DNAH9: variants seen among roughly 807,000 people sequenced by gnomAD.
DNAH9 encodes the protein dynein axonemal heavy chain 9.
In DNAH9, 345 loss-of-function variants were observed where a neutral mutation model predicts 471.6. The observed-to-expected ratio is 0.73, with a 90% CI of 0.67 to 0.80. The LOEUF is 0.80. Ranked by LOEUF, DNAH9 falls within the 30% of genes least tolerant of loss-of-function variation. The pLI is 0.00. For synonymous variants in DNAH9, 2,093 were observed against 2,123.6 expected, an observed-to-expected ratio of 0.99 and a Z score of 0.40; for missense variants, 5,407 against 5,609.2, an observed-to-expected ratio of 0.96 and a Z score of 1.15.
At chr17:11,616,720 A>C (rs1451135542) in intron 4 of DNAH9, among the ~76,000 whole-genome samples, 1 of 152,202 alleles carries the variant, frequency 6.6e-6, no homozygotes. Context: ...TCTAGGGTAC[A>C]TGTGCACAAC....
intron 10 of DNAH9, among the ~76,000 whole-genome samples, chr17:11,641,289 G>A (rs1240241145): frequency 1.3e-5 from 2 of 152,008 alleles, no homozygotes; most frequent in Admixed American, 6.6e-5. Context: ...CAGACCCAAT[G>A]TGAGCAATCT....
In DNAH9 at chr17:11,887,006, C is replaced by T. The variant is rs1251529582; in HGVS notation, c.11112+41C>T. On this transcript the variant is annotated intron_variant, in intron 57 of 68. Transcript: ENST00000262442. ...AGTTTCTTGCCTGATTATAATAAAG[C>T]AGTGTAATATTGCCAATGCAGCTCT... 5 of 1,588,646 alleles carry T rather than the reference C, an allele frequency of 3.1e-6. No individual in the cohort carries two copies. The African/African-American group carries it at 4.0e-5, about 13-fold the overall frequency.
intron 29 of DNAH9, among the ~76,000 whole-genome samples, chr17:11,740,418 G>A (rs896525829): frequency 7.9e-5 from 12 of 152,156 alleles, no homozygotes; most frequent in Non-Finnish European, 1.6e-4. Flanking sequence ...TCTGGTGAGG[G>A]CTCTCCTCCA....
At chr17:11,882,811 T>C in intron 55 of DNAH9, 2 of 501,316 alleles carry the variant, frequency 4.0e-6, no homozygotes, top group Non-Finnish European at 5.2e-6. Context: ...GCATCTGAGC[T>C]AATTCCTAAA....
chr17:11,734,761 T>A (rs2075318621), intron 28 of DNAH9, among the ~76,000 whole-genome samples: 1 of 152,222 alleles, frequency 6.6e-6, no homozygotes, highest in Non-Finnish European at 1.5e-5. Flanking sequence ...CTAAATCCCA[T>A]CCTGTACAAA....
rs778494628 is a variant in DNAH9, at chr17:11,693,974, A to C, written c.4721A>C (p.Glu1574Ala). The stretch of plus-strand genomic sequence containing the variant: ...ACCACCAACAAGCCAGGCCTGTATG[A>C]AAAGCTGGAGGATATTCAGGGCAGG... ...VQTTNKPGLY[E>A]KLEDIQGRLC... Residue 1574 changes from glutamate to alanine, a missense_variant, in exon 21 of 69, where the codon GAA becomes GCA. Coordinates refer to ENST00000262442, the MANE Select transcript of DNAH9 (RefSeq NM_001372.4). 1 of 1,614,164 alleles carries C rather than the reference A, an allele frequency of 6.2e-7. No individual in the cohort carries two copies. The highest frequency in any genetic ancestry group is 8.5e-7 in the Non-Finnish European group (1 of 1,180,028).
At chr17:11,723,880 A>G (rs1407699363) in intron 27 of DNAH9, among the ~76,000 whole-genome samples, 7 of 151,964 alleles carry the variant, frequency 4.6e-5, no homozygotes, top group Non-Finnish European at 8.8e-5. Flanking sequence ...TCACTGTGTT[A>G]GCCAGGATGG....
intron 58 of DNAH9, among the ~76,000 whole-genome samples, chr17:11,893,887 A>G (rs1973140536): frequency 6.6e-6 from 1 of 152,188 alleles, no homozygotes; most frequent in Non-Finnish European, 1.5e-5. Context: ...AGAAAAGAAA[A>G]TAAACTACTT....
intron 62 of DNAH9, among the ~76,000 whole-genome samples, chr17:11,928,376 C>T (rs1432904333): frequency 6.6e-6 from 1 of 152,188 alleles, no homozygotes; most frequent in Non-Finnish European, 1.5e-5. Context: ...GAAGGCAGCA[C>T]TCAAAGACCA....
chr17:11,705,270 A>G (rs969787997), intron 26 of DNAH9, 85 bp downstream of exon 26: 2 of 1,221,090 alleles, frequency 1.6e-6, no homozygotes, highest in Admixed American at 3.7e-5. Context: ...AGTCCCTGTC[A>G]CTTGCTATTT....
chr17:11,933,346 T>C (rs1974582511), intron 64 of DNAH9, among the ~76,000 whole-genome samples: 1 of 152,076 alleles, frequency 6.6e-6, no homozygotes, highest in South Asian at 2.1e-4. Context: ...AACTTTCCTG[T>C]CTTCACTCTT....
chr17:11,933,420 G>A (rs1399772735), intron 64 of DNAH9, among the ~76,000 whole-genome samples: 1 of 149,294 alleles, frequency 6.7e-6, no homozygotes, highest in Non-Finnish European at 1.5e-5. Context: ...CGCTCTTGTT[G>A]CCCAGGCTGG....
chr17:11,869,253 G>C lies in DNAH9; in HGVS notation c.10053G>C (p.Leu3351=). ...TCACCATCTCCCTTGCCAACCGCCT[G>C]GTGAGTGTAAGCCACAGCAGCCCGA... is the stretch of plus-strand genomic sequence containing the variant. The part of the protein sequence containing the change: ...TAVTISLANR[L]VGGLASENVR... The change falls in exon 51 of 69, where the codon CTG becomes CTC. Residue 3351 remains leucine, a splice_region_variant and synonymous_variant. Coordinates refer to ENST00000262442, the MANE Select transcript of DNAH9 (RefSeq NM_001372.4). 6.2e-7 allele frequency: 1 copy of C among 1,613,290 alleles called. No homozygotes were observed. Among genetic ancestry groups the C allele is most frequent in the Non-Finnish European group, 8.5e-7 (1 of 1,179,662 alleles).
In DNAH9 at chr17:11,774,120, AGT is replaced by A. The variant is rs201257405; in HGVS notation, c.7552+4793_7552+4794del. Among the ~76,000 whole-genome samples, 1,133 of 152,284 alleles carry A rather than the reference AGT, an allele frequency of 7.4e-3. 10 individuals carry two copies. Among genetic ancestry groups the A allele is most frequent in the Non-Finnish European group, 0.012 (797 of 68,016 alleles). On this transcript the variant is annotated intron_variant, in intron 38 of 68. Transcript: ENST00000262442. ...CACTGCTCTCCAGCCTGGGCAACAGAGTGAGATCCCTGCCACAAAATAAAATA... is the reference window on the plus strand; with the variant it reads ...CACTGCTCTCCAGCCTGGGCAACAGAGAGATCCCTGCCACAAAATAAAATA...
At chr17:11,766,003 GC>G (rs997677732) in intron 36 of DNAH9, among the ~76,000 whole-genome samples, 11 of 152,090 alleles carry the variant, frequency 7.2e-5, no homozygotes, top group African/African-American at 2.7e-4. Context: ...CCTTTTAAAA[GC>G]CCCGGAGAAA....
intron 60 of DNAH9, among the ~76,000 whole-genome samples, chr17:11,905,385 G>A (rs1457597808): frequency 6.6e-6 from 1 of 152,210 alleles, no homozygotes; most frequent in Non-Finnish European, 1.5e-5. Flanking sequence ...GGGGTGATGT[G>A]AGAAGCCACC....
chr17:11,857,025 C>T (rs1971651294), intron 50 of DNAH9, among the ~76,000 whole-genome samples: 1 of 152,118 alleles, frequency 6.6e-6, no homozygotes. Context: ...ATGTCCAGCC[C>T]ATATTCCTGC....
At chr17:11,657,419 G>C (rs2073672494) in intron 14 of DNAH9, among the ~76,000 whole-genome samples, 2 of 152,044 alleles carry the variant, frequency 1.3e-5, no homozygotes, top group African/African-American at 2.4e-5. Flanking sequence ...ATGGTTTATA[G>C]TTCTAGCAAT....
At chr17:11,762,211 C>G (rs1967708053) in intron 35 of DNAH9, among the ~76,000 whole-genome samples, 1 of 152,204 alleles carries the variant, frequency 6.6e-6, no homozygotes, top group Non-Finnish European at 1.5e-5. Context: ...GAATGGCGTG[C>G]TGTGCAGCTC....
Sources: gnomAD v4.1 joint callset for allele counts (sites outside exome capture counted in the v4.1 genomes callset) on GRCh38, gnomAD v4.1.1 for gene constraint, MANE v1.5 for transcripts, NCBI Gene and HGNC (gene_info 2026-07-23, HGNC 2026-07-21) for gene names.